Variants in GRIK1 observed in about 807,000 individuals in gnomAD.
GRIK1 encodes glutamate receptor ionotropic, kainate 1.
Under a neutral mutation model 105.7 loss-of-function variants are expected in GRIK1, and 69 were observed. That is an observed-to-expected ratio of 0.65 (90% CI 0.54 to 0.80). The LOEUF is 0.80. Among genes scored for constraint, GRIK1 ranks in the 30% least tolerant of loss-of-function variants. The pLI is 0.00. For synonymous variants in GRIK1, 438 were observed against 431.3 expected (o/e 1.02, Z -0.19); for missense variants, 1,109 against 1,167.3 (o/e 0.95, Z 0.73).
chr21:29,857,195 C>A (rs2832454), intron 1 of GRIK1, among the ~76,000 whole-genome samples: 2 of 152,060 alleles, frequency 1.3e-5, no homozygotes, highest in African/African-American at 4.8e-5. Context: ...GAGGTCAATG[C>A]GAAAGCTATC....
In GRIK1 at chr21:29,805,581, G is replaced by C. The variant is rs181984159; in HGVS notation, c.119-111518C>G. On this transcript the variant is annotated intron_variant, in intron 1 of 17. Transcript: ENST00000327783. ...AACTCCACTAGAGTGAGTGGGGTGA[G>C]AATTAGGTACTTTATAAAGCTAAAT... Among the ~76,000 whole-genome samples, 197 of 152,232 alleles carry C rather than the reference G, an allele frequency of 1.3e-3. 1 individual carries two copies. The highest frequency in any genetic ancestry group is 4.5e-3 in the African/African-American group (186 of 41,544).
intron 1 of GRIK1, among the ~76,000 whole-genome samples, chr21:29,779,497 G>A (rs1211451317): frequency 3.1e-5 from 1 of 31,820 alleles, no homozygotes; most frequent in Non-Finnish European, 8.9e-5. Context: ...CTTTTATGGT[G>A]TGTGTGTGTG....
chr21:29,732,850 C>T (rs1227674310), intron 1 of GRIK1, among the ~76,000 whole-genome samples: 3 of 152,074 alleles, frequency 2.0e-5, no homozygotes, highest in African/African-American at 7.2e-5. Flanking sequence ...TGACTGTAAG[C>T]CTCAGAAGAT....
chr21:29,867,886 A>AAGAGAGAAAGAGAG (rs2068865450), intron 1 of GRIK1, among the ~76,000 whole-genome samples: 1 of 129,032 alleles, frequency 7.8e-6, no homozygotes, highest in Non-Finnish European at 1.6e-5. Flanking sequence ...AAGAGAGAGA[A>AAGAGAGAAAGAGAG]AGAGAGAGAG....
At chr21:29,643,768 T>G (rs951191308) in intron 6 of GRIK1, among the ~76,000 whole-genome samples, 19 of 152,228 alleles carry the variant, frequency 1.2e-4, no homozygotes, top group African/African-American at 3.9e-4. Context: ...TGCATTTCAC[T>G]TGAGGGTTTC....
At position 29,669,844 on chromosome 21, in the gene GRIK1, C is replaced by A. The variant is rs188552339; in HGVS notation, c.726+3139G>T. ...GCAGCCAGAATCAGGACCCAGAACT[C>A]CTGAGTCCTCAGCCTCCCTAGGGAA... On this transcript the variant is annotated intron_variant, in intron 4 of 17. Coordinates refer to ENST00000327783, the MANE Select transcript of GRIK1 (RefSeq NM_001330994.2). Among the ~76,000 whole-genome samples, 384 of 152,238 alleles carry A rather than the reference C, an allele frequency of 2.5e-3. 1 individual carries two copies. Among genetic ancestry groups the A allele is most frequent in the African/African-American group, 8.7e-3 (363 of 41,538 alleles).
At chr21:29,876,342 C>T (rs2069191039) in intron 1 of GRIK1, among the ~76,000 whole-genome samples, 1 of 151,988 alleles carries the variant, frequency 6.6e-6, no homozygotes, top group Admixed American at 6.6e-5. Flanking sequence ...CTCTCTTTCC[C>T]TTCTCTTTTT....
chr21:29,654,084 C>G (rs1378784805), intron 5 of GRIK1, among the ~76,000 whole-genome samples: 1 of 152,126 alleles, frequency 6.6e-6, no homozygotes, highest in South Asian at 2.1e-4. Context: ...GATTAGAAAA[C>G]GAGCTTGATT....
At chr21:29,776,826 T>C (rs1391634549) in intron 1 of GRIK1, among the ~76,000 whole-genome samples, 1 of 152,234 alleles carries the variant, frequency 6.6e-6, no homozygotes. Context: ...CCATTCAACA[T>C]GTATTTTTTT....
intron 16 of GRIK1, among the ~76,000 whole-genome samples, chr21:29,554,024 A>G (rs2090186750): frequency 6.6e-6 from 1 of 152,188 alleles, no homozygotes; most frequent in Admixed American, 6.5e-5. Flanking sequence ...ATGTGAAACC[A>G]GGTTATAATG....
chr21:29,872,178 G>C (rs2069037477), intron 1 of GRIK1, among the ~76,000 whole-genome samples: 1 of 149,270 alleles, frequency 6.7e-6, no homozygotes, highest in African/African-American at 2.5e-5. Flanking sequence ...ATTAAAATAT[G>C]CACGCTCTCA....
At chr21:29,699,292 TAGTGTCTTTAAA>T (rs1226530695) in intron 1 of GRIK1, among the ~76,000 whole-genome samples, 1 of 152,172 alleles carries the variant, frequency 6.6e-6, no homozygotes, top group Non-Finnish European at 1.5e-5. Context: ...TATTTAGAAA[TAGTGTCTTTAAA>T]ACAGTGACTA....
chr21:29,621,311 C>T (rs2061996325), intron 7 of GRIK1, among the ~76,000 whole-genome samples: 1 of 152,006 alleles, frequency 6.6e-6, no homozygotes, highest in Admixed American at 6.6e-5. Context: ...CAGTTTCTTC[C>T]TAAGAACACT....
chr21:29,847,936 CACACAT>C (rs1224704070), intron 1 of GRIK1, among the ~76,000 whole-genome samples: 1 of 152,088 alleles, frequency 6.6e-6, no homozygotes, highest in Non-Finnish European at 1.5e-5. Flanking sequence ...CTCTCACACA[CACACAT>C]GCACATGTGT....
chr21:29,650,301 G>A (rs1413293173), intron 6 of GRIK1, among the ~76,000 whole-genome samples: 1 of 152,150 alleles, frequency 6.6e-6, no homozygotes, highest in Non-Finnish European at 1.5e-5. Flanking sequence ...TGCGTCTCCC[G>A]ATGATAGGAA....
intron 1 of GRIK1, among the ~76,000 whole-genome samples, chr21:29,858,250 C>T (rs554214310): frequency 2.0e-5 from 3 of 152,260 alleles, no homozygotes; most frequent in Admixed American, 6.5e-5. Context: ...AATTCCTCTG[C>T]TCTCTCTGAG....
intron 1 of GRIK1, among the ~76,000 whole-genome samples, chr21:29,907,883 C>T (rs1370113245): frequency 2.0e-5 from 3 of 152,030 alleles, no homozygotes; most frequent in African/African-American, 7.2e-5. Context: ...TAAAAACCAA[C>T]AAAATACAGT....
intron 7 of GRIK1, among the ~76,000 whole-genome samples, chr21:29,639,181 A>G (rs2062458968): frequency 6.6e-6 from 1 of 152,230 alleles, no homozygotes. Context: ...AGCACTGCAC[A>G]TGCTTATAGA....
At chr21:29,571,078 G>A (rs111575411) in intron 14 of GRIK1, among the ~76,000 whole-genome samples, 4,657 of 152,222 alleles carry the variant, frequency 0.031, 93 homozygotes, top group African/African-American at 0.044. Context: ...TCCACTGGGC[G>A]CAGTGGCTCA....
Sources: gnomAD v4.1 joint callset for allele counts (sites outside exome capture counted in the v4.1 genomes callset) on GRCh38, gnomAD v4.1.1 for gene constraint, MANE v1.5 for transcripts, NCBI Gene and HGNC (gene_info 2026-07-23, HGNC 2026-07-21) for gene names.